RHBDF1: variants seen among roughly 807,000 people sequenced by gnomAD.
RHBDF1 encodes the protein inactive rhomboid protein 1.
RHBDF1 carries 80 observed loss-of-function variants against 98.6 expected under a neutral mutation model. That is an observed-to-expected ratio of 0.81 (90% CI 0.68 to 0.98). RHBDF1 has a LOEUF of 0.98. Among genes scored for constraint, RHBDF1 ranks in the 50% least tolerant of loss-of-function variants. The pLI, the probability that RHBDF1 is intolerant of heterozygous loss-of-function variation, is 0.00. For synonymous variants in RHBDF1, 512 were observed against 486.8 expected (o/e 1.05, Z -0.68); for missense variants, 1,116 against 1,198.3 (o/e 0.93, Z 1.01).
chr16:73,896 C>A (rs1020591340), upstream of RHBDF1: 6 of 979,636 alleles, frequency 6.1e-6, no homozygotes, highest in African/African-American at 1.0e-4. Flanking sequence ...AGAATTTGAA[C>A]TAAAGGTGCT....
At chr16:65,248 C>T (rs1292354234) in intron 1 of RHBDF1, among the ~76,000 whole-genome samples, 1 of 152,226 alleles carries the variant, frequency 6.6e-6, no homozygotes, top group Non-Finnish European at 1.5e-5. Context: ...AGCCTAGGTC[C>T]TCAGACAACA....
At chr16:59,385 G>A (rs751396242) in intron 15 of RHBDF1, 34 bp downstream of exon 15, 1 of 1,612,502 alleles carries the variant, frequency 6.2e-7, no homozygotes, top group Admixed American at 1.7e-5. Flanking sequence ...ACAGTAGCTG[G>A]GGGAGGGGAA....
intron 4 of RHBDF1, 136 bp downstream of exon 4, chr16:63,451 C>G: frequency 3.8e-6 from 3 of 784,704 alleles, no homozygotes; most frequent in Non-Finnish European, 6.0e-6. Flanking sequence ...GGTGCCTTCA[C>G]GAGCAGGCTG....
chr16:60,055 C>T (rs1270580222), intron 13 of RHBDF1, 161 bp downstream of exon 13: 24 of 1,488,928 alleles, frequency 1.6e-5, no homozygotes, highest in Non-Finnish European at 2.0e-5. Flanking sequence ...GAGGGGCAGG[C>T]GCTGGTTGAT....
At chr16:70,830 C>G (rs1897949970) in intron 1 of RHBDF1, among the ~76,000 whole-genome samples, 1 of 152,246 alleles carries the variant, frequency 6.6e-6, no homozygotes, top group Non-Finnish European at 1.5e-5. Flanking sequence ...GGCTGTCAGA[C>G]CCTTCTAAGA....
chr16:62,754 G>A, intron 6 of RHBDF1, 21 bp downstream of exon 6: 2 of 1,614,062 alleles, frequency 1.2e-6, no homozygotes, highest in Non-Finnish European at 1.7e-6. Flanking sequence ...GGGGTGGGGG[G>A]ACACCCCGGG....
intron 1 of RHBDF1, among the ~76,000 whole-genome samples, chr16:71,384 C>A (rs1294297186): frequency 6.6e-6 from 1 of 152,230 alleles, no homozygotes; most frequent in East Asian, 1.9e-4. Flanking sequence ...GGCTCCGCCT[C>A]AGGGACCCCT....
chr16:65,509 G>A (rs77546475), intron 1 of RHBDF1, among the ~76,000 whole-genome samples: 3,543 of 152,332 alleles, frequency 0.023, 162 homozygotes, highest in South Asian at 0.15. Flanking sequence ...GCAAAGGCTT[G>A]AAGGAGGGGA....
Position 58,371 on chromosome 16 carries a change from T to C in RHBDF1, c.2537A>G (p.Glu846Gly), listed in dbSNP as rs1345191143. 1.2e-5 allele frequency: 20 copies of C among 1,613,550 alleles called. No homozygotes were observed. The highest frequency in any genetic ancestry group is 1.4e-5 in the Non-Finnish European group (16 of 1,179,966). Residue 846 changes from glutamate (E) to glycine (G), a missense_variant, in exon 18 of 18, where the codon GAG becomes GGG. Physicochemically the swap from Glu to Gly is moderately conservative, Grantham distance 98 (BLOSUM62 -2). Transcript: ENST00000262316. ...TCIPFTDKFC[E>G]KYELDAQLH is the part of the protein sequence containing the mutation. ...GAGCTGAGCGTCCAGTTCGTACTTC[T>C]CACAGAACTTGTCAGTGAAGGGGAT...
upstream of RHBDF1, among the ~76,000 whole-genome samples, chr16:75,697 C>T (rs991594955): frequency 1.3e-5 from 2 of 152,172 alleles, no homozygotes; most frequent in African/African-American, 4.8e-5. Context: ...CCTCGGCCTG[C>T]CCAGTGGCTG....
chr16:64,310 C>T (rs1179355252), intron 3 of RHBDF1: 4 of 1,341,434 alleles, frequency 3.0e-6, no homozygotes, highest in Non-Finnish European at 3.9e-6. Flanking sequence ...AACACCAACA[C>T]ACTCATGACC....
chr16:63,374 T>C (rs1567115890), intron 4 of RHBDF1, among the ~76,000 whole-genome samples, 192 bp from the exon 5 acceptor site: 1 of 152,146 alleles, frequency 6.6e-6, no homozygotes, highest in Non-Finnish European at 1.5e-5. Context: ...ATCCAGACAC[T>C]GGCCCCCTGG....
In RHBDF1 at chr16:61,625, A is replaced by G; in HGVS notation, c.1280T>C (p.Ile427Thr). 1 of 1,613,478 alleles carries G rather than the reference A, an allele frequency of 6.2e-7. No individual in the cohort carries two copies. The highest frequency in any genetic ancestry group is 2.2e-5 in the East Asian group (1 of 44,858). The change falls in exon 9 of 18, where the codon ATC becomes ACC. Residue 427 changes from isoleucine to threonine, a missense_variant. Physicochemically the swap from Ile to Thr is moderately conservative, Grantham distance 89. Coordinates refer to ENST00000262316, the MANE Select transcript of RHBDF1 (RefSeq NM_022450.5). ...ATGCTGCGAGAAGCCCACGGGCGCGATGCCATAGATGCACACGGCTAGGAT... is the reference window on the plus strand; with the variant it reads ...ATGCTGCGAGAAGCCCACGGGCGCGGTGCCATAGATGCACACGGCTAGGAT... Reference protein sequence around the residue: ...VTILAVCIYGIAPVGFSQHET... With the variant: ...VTILAVCIYGTAPVGFSQHET...
chr16:62,140 T>G, intron 7 of RHBDF1, 88 bp from the exon 8 acceptor site: 1 of 1,420,954 alleles, frequency 7.0e-7, no homozygotes, highest in Non-Finnish European at 9.2e-7. Context: ...CCTGTCTCTA[T>G]CCTGGCGAAT....
At position 58,584 on chromosome 16, in the gene RHBDF1, C is replaced by G; in HGVS notation, c.2324G>C (p.Gly775Ala). Reference protein sequence around the residue: ...PWIDNFAHISGFISGLFLSFA... With the variant: ...PWIDNFAHISAFISGLFLSFA... Reference sequence around the variant, plus strand: ...GGAGAGGAAGAGGCCACTGATGAACCCTGAGATGTGGGCAAAGTTGTCAAT... The same window carrying G: ...GGAGAGGAAGAGGCCACTGATGAACGCTGAGATGTGGGCAAAGTTGTCAAT... The change falls in exon 18 of 18, where the codon GGG becomes GCG. Residue 775 changes from glycine to alanine, a missense_variant. Gly to Ala is a moderately conservative substitution (Grantham distance 60). Transcript: ENST00000262316. 2.5e-6 allele frequency: 4 copies of G among 1,613,832 alleles called. No individual in the cohort carries two copies. The highest frequency in any genetic ancestry group is 3.4e-6 in the Non-Finnish European group (4 of 1,179,974).
rs369963935 is a variant in RHBDF1, at chr16:64,976, G to A, written c.40C>T (p.Arg14Cys). The A allele has an allele frequency of 2.4e-5, 37 of 1,554,098 alleles. No homozygotes were observed. The highest frequency in any genetic ancestry group is 2.2e-4 in the African/African-American group (16 of 73,470). The change falls in exon 2 of 18, where the codon CGC becomes TGC. Residue 14 changes from arginine to cysteine, a missense_variant. Transcript: ENST00000262316. Reference protein sequence around the residue: ...ARRDSTSSLQRKKPPWLKLDI... With the variant: ...ARRDSTSSLQCKKPPWLKLDI... The stretch of plus-strand genomic sequence containing the variant: ...AGCTTTAGCCAGGGTGGCTTCTTGC[G>A]CTGCAGGCTGCTCGTGCTGTCCCTG...
intron 3 of RHBDF1, 138 bp from the exon 4 acceptor site, chr16:63,938 C>A (rs972900191): frequency 1.2e-6 from 1 of 803,846 alleles, no homozygotes; most frequent in Non-Finnish European, 2.1e-6. Context: ...TGGGCAAGGT[C>A]TAATAAGAGG....
At position 61,107 on chromosome 16, in the gene RHBDF1, C is replaced by T; in HGVS notation, c.1557+13G>A. ...GGCAGACGAAGGCGGGAGTCCCGGG[C>T]GGGGAAACGCACCGAGCACTCCTCC... is the stretch of plus-strand genomic sequence containing the variant. On this transcript the variant is annotated intron_variant, in intron 11 of 17. Transcript: ENST00000262316. 2 of 1,519,328 alleles carry T rather than the reference C, an allele frequency of 1.3e-6. No individual in the cohort carries two copies. Among genetic ancestry groups the T allele is most frequent in the South Asian group, 1.2e-5 (1 of 83,320 alleles). The allele number at this position is 1,519,328 out of a possible 1,614,324, so 94.1% of individuals were successfully genotyped here. A position where few individuals can be genotyped will look rare whatever the true frequency, so the allele number is the denominator to read the frequency against.
chr16:59,149 G>A, intron 16 of RHBDF1, 22 bp from the exon 17 acceptor site: 1 of 1,608,302 alleles, frequency 6.2e-7, no homozygotes. Context: ...AGCAGGCGGG[G>A]GTCGGGAGAC....
Sources: allele counts gnomAD v4.1 joint callset (sites outside exome capture counted in the v4.1 genomes callset), GRCh38; gene constraint gnomAD v4.1.1; transcripts MANE v1.5; gene names NCBI Gene and HGNC (gene_info 2026-07-23, HGNC 2026-07-21).